Variants in FKBP5 observed in about 807,000 individuals in gnomAD.
The protein encoded by FKBP5 is FKBP prolyl isomerase 5.
Under a neutral mutation model 50.5 loss-of-function variants are expected in FKBP5, and 23 were observed. The observed-to-expected ratio is 0.46, with a 90% confidence interval of 0.33 to 0.65. FKBP5 has a LOEUF of 0.65. Among genes scored for constraint, FKBP5 ranks in the 30% least tolerant of loss-of-function variants. FKBP5 has a pLI of 0.02. For synonymous variants in FKBP5, 176 were observed against 190.6 expected (o/e 0.92, Z 0.63); for missense variants, 411 against 553.1 (o/e 0.74, Z 2.58).
intron 7 of FKBP5, among the ~76,000 whole-genome samples, chr6:35,589,712 C>A (rs1762753865): frequency 1.3e-5 from 2 of 152,284 alleles, no homozygotes; most frequent in Middle Eastern, 3.4e-3. Flanking sequence ...TCTTCTCTCT[C>A]TTTAACAATA....
At chr6:35,682,478 C>T (rs1765693529) in intron 1 of FKBP5, among the ~76,000 whole-genome samples, 1 of 152,068 alleles carries the variant, frequency 6.6e-6, no homozygotes, top group African/African-American at 2.4e-5. Flanking sequence ...AGAACAAGTA[C>T]AAATCTAACT....
intron 2 of FKBP5, among the ~76,000 whole-genome samples, chr6:35,709,928 G>A (rs566544518): frequency 1.3e-5 from 2 of 151,658 alleles, no homozygotes; most frequent in African/African-American, 2.4e-5. Flanking sequence ...ATGTTCTCAC[G>A]GGACAAACAG....
intron 2 of FKBP5, among the ~76,000 whole-genome samples, chr6:35,716,689 C>A (rs1212040157): frequency 2.0e-5 from 3 of 152,202 alleles, no homozygotes; most frequent in African/African-American, 7.2e-5. Context: ...TTCCTCCCTA[C>A]CCAACTCTTG....
At chr6:35,606,531 G>A (rs1465283604) in intron 5 of FKBP5, among the ~76,000 whole-genome samples, 2 of 151,416 alleles carry the variant, frequency 1.3e-5, no homozygotes, top group African/African-American at 2.4e-5. Flanking sequence ...GTGGTGGTGG[G>A]CGCCTGTAGT....
At chr6:35,715,995 A>T (rs2151023228) in intron 2 of FKBP5, among the ~76,000 whole-genome samples, 1 of 152,214 alleles carries the variant, frequency 6.6e-6, no homozygotes, top group East Asian at 1.9e-4. Flanking sequence ...AACCCATGCG[A>T]TATGAGGACT....
intron 7 of FKBP5, 94 bp from the exon 8 acceptor site, chr6:35,587,211 C>A (rs551813765): frequency 8.9e-7 from 1 of 1,127,540 alleles, no homozygotes; most frequent in African/African-American, 1.5e-5. Context: ...CTAGAAGATA[C>A]TCCAAACTGA....
chr6:35,620,175 C>G lies in FKBP5; in HGVS notation c.350G>C (p.Gly117Ala), dbSNP rs1464180205. 5 of 1,614,134 alleles carry G rather than the reference C, an allele frequency of 3.1e-6. No individual in the cohort carries two copies. The Middle Eastern group carries it at 6.6e-4, about 213-fold the overall frequency. Reference protein sequence around the residue: ...CKPEYAYGSAGSLPKIPSNAT... With the variant: ...CKPEYAYGSAASLPKIPSNAT... ...ATTCGAGGGAATTTTAGGGAGACTG[C>G]CAGCCGAGCCATATGCATATTCTGG... Residue 117 changes from glycine to alanine, a missense_variant, in exon 4 of 11, where the codon GGC (glycine) becomes GCC (alanine). Physicochemically the swap from Gly to Ala is moderately conservative, Grantham distance 60 (BLOSUM62 0). Coordinates refer to ENST00000357266, the MANE Select transcript of FKBP5 (RefSeq NM_004117.4).
At chr6:35,680,711 A>C (rs1043492955) in intron 1 of FKBP5, among the ~76,000 whole-genome samples, 7 of 152,242 alleles carry the variant, frequency 4.6e-5, no homozygotes, top group African/African-American at 1.7e-4. Context: ...GCCTATGAAA[A>C]ATAGCACCAC....
At chr6:35,716,326 T>C (rs780927727) in intron 2 of FKBP5, among the ~76,000 whole-genome samples, 2 of 152,068 alleles carry the variant, frequency 1.3e-5, no homozygotes, top group Non-Finnish European at 2.9e-5. Context: ...TGAGCTACGA[T>C]TGTGCCACCG....
At chr6:35,589,109 T>TA (rs60251780) in intron 7 of FKBP5, among the ~76,000 whole-genome samples, 26 of 124,170 alleles carry the variant, frequency 2.1e-4, no homozygotes, top group South Asian at 1.4e-3. Flanking sequence ...TATATATATT[T>TA]TTATATATAT....
chr6:35,694,391 C>T (rs1233585170), intron 2 of FKBP5, among the ~76,000 whole-genome samples: 1 of 152,154 alleles, frequency 6.6e-6, no homozygotes, highest in Non-Finnish European at 1.5e-5. Context: ...AAGTGATCCT[C>T]TTGCCTCGGC....
At chr6:35,654,105 A>G (rs1346625758) in intron 1 of FKBP5, among the ~76,000 whole-genome samples, 1 of 152,200 alleles carries the variant, frequency 6.6e-6, no homozygotes, top group African/African-American at 2.4e-5. Context: ...CAATGTCACA[A>G]TGGGCTAATA....
In FKBP5 at chr6:35,637,006, CCT is replaced by C; in HGVS notation, c.250+6_250+7del. The C allele has an allele frequency of 1.9e-6, 3 of 1,584,688 alleles. No individual in the cohort carries two copies. In the South Asian group the frequency reaches 3.5e-5, roughly 19 times the overall value. On this transcript the variant is annotated splice_donor_region_variant and intron_variant, in intron 3 of 10. Transcript: ENST00000357266. ...AGTAAAACACAACTCAAAAAAATAC[CCT>C]CTTACCTTTGCCAAGACTAAAGACA... is the stretch of plus-strand genomic sequence containing the variant.
chr6:35,691,234 G>A (rs374330965), upstream of FKBP5, among the ~76,000 whole-genome samples: 13 of 152,204 alleles, frequency 8.5e-5, no homozygotes, highest in South Asian at 1.0e-3. Context: ...CTCTTCCTAC[G>A]AGAGGCAGGG....
At chr6:35,580,430 C>G (rs1762388622) in intron 8 of FKBP5, 1 of 481,308 alleles carries the variant, frequency 2.1e-6, no homozygotes, top group Non-Finnish European at 3.7e-6. Flanking sequence ...CTGAGCACTG[C>G]CTAGTGCTGC....
chr6:35,585,223 CT>C (rs1762563303), intron 8 of FKBP5: 36 of 977,014 alleles, frequency 3.7e-5, no homozygotes, highest in Non-Finnish European at 4.4e-5. Context: ...TTTTTATGGA[CT>C]TCGGAAATAT....
At chr6:35,625,431 T>C (rs966637212) in intron 3 of FKBP5, among the ~76,000 whole-genome samples, 5 of 151,746 alleles carry the variant, frequency 3.3e-5, no homozygotes, top group Non-Finnish European at 4.4e-5. Context: ...AGGATCTCAG[T>C]CATAGGTAAC....
intron 7 of FKBP5, among the ~76,000 whole-genome samples, 159 bp downstream of exon 7, chr6:35,590,971 T>G (rs985365004): frequency 4.0e-5 from 6 of 151,400 alleles, no homozygotes; most frequent in Admixed American, 3.9e-4. Context: ...GCTATGTCAG[T>G]TGTTCTATTC....
intron 1 of FKBP5, among the ~76,000 whole-genome samples, chr6:35,669,602 C>T (rs1561886479): frequency 6.6e-6 from 1 of 152,152 alleles, no homozygotes. Flanking sequence ...CATAAACACA[C>T]CCCAGCCATG....
Sources: gnomAD v4.1 joint callset for allele counts (sites outside exome capture counted in the v4.1 genomes callset) on GRCh38, gnomAD v4.1.1 for gene constraint, MANE v1.5 for transcripts, NCBI Gene and HGNC (gene_info 2026-07-23, HGNC 2026-07-21) for gene names.